TLL2: variants seen among roughly 807,000 people sequenced by gnomAD.
TLL2 encodes the protein tolloid-like protein 2.
In TLL2, 106 loss-of-function variants were observed where a neutral mutation model predicts 123.0. The ratio of observed to expected loss-of-function variants is 0.86; its 90% CI spans 0.74 to 1.01. TLL2 has a LOEUF of 1.01. Ranked by LOEUF, TLL2 falls within the 50% of genes least tolerant of loss-of-function variation. The pLI is 0.00. For synonymous variants in TLL2, 494 were observed against 516.8 expected (o/e 0.96, Z 0.60); for missense variants, 1,332 against 1,336.7 (o/e 1.00, Z 0.06).
At chr10:96,427,958 C>G (rs936479826) in intron 5 of TLL2, among the ~76,000 whole-genome samples, 8 of 151,610 alleles carry the variant, frequency 5.3e-5, no homozygotes, top group Non-Finnish European at 7.4e-5. Flanking sequence ...CCACACCTGG[C>G]TAATTTTGTA....
chr10:96,419,783 G>A (rs1246784390), intron 7 of TLL2, among the ~76,000 whole-genome samples: 1 of 152,088 alleles, frequency 6.6e-6, no homozygotes, highest in Non-Finnish European at 1.5e-5. Flanking sequence ...AAGAACCAAG[G>A]AGCCCCTGGC....
intron 2 of TLL2, among the ~76,000 whole-genome samples, chr10:96,476,016 G>C (rs6584076): frequency 0.51 from 77,013 of 150,610 alleles, 20,032 homozygotes; most frequent in Middle Eastern, 0.66. Flanking sequence ...CCAGCCACGT[G>C]GAACAGTGAG....
At chr10:96,401,535 CAGTT>C (rs1846395759) in intron 10 of TLL2, among the ~76,000 whole-genome samples, 1 of 150,100 alleles carries the variant, frequency 6.7e-6, no homozygotes, top group Non-Finnish European at 1.5e-5. Flanking sequence ...CGCACACACA[CAGTT>C]AAAGTGGGTA....
Position 96,367,785 on chromosome 10 carries a change from A to G in TLL2, c.*303T>C. ...TTTTGCCACATAGGAGCAAGGGACA[A>G]GGAGAATGGTATGAAGAAGCATAGC... On this transcript the variant is annotated 3_prime_UTR_variant, in exon 21 of 21. Transcript: ENST00000357947. 1 of 287,870 alleles carries G rather than the reference A, an allele frequency of 3.5e-6. No individual in the cohort carries two copies. The highest frequency in any genetic ancestry group is 6.7e-6 in the Non-Finnish European group (1 of 148,194). The allele number at this position is 287,870 out of a possible 1,614,324, so 17.8% of individuals were successfully genotyped here.
chr10:96,481,926 G>A (rs935925479), intron 1 of TLL2, among the ~76,000 whole-genome samples: 2 of 152,172 alleles, frequency 1.3e-5, no homozygotes, highest in Admixed American at 6.5e-5. Context: ...GCATTGTAGT[G>A]TCAAGAACAG....
At chr10:96,405,766 C>A (rs1002080575) in intron 9 of TLL2, among the ~76,000 whole-genome samples, 1 of 152,182 alleles carries the variant, frequency 6.6e-6, no homozygotes, top group East Asian at 1.9e-4. Flanking sequence ...AACATCTCTG[C>A]GATCAACCTC....
At chr10:96,479,661 C>T (rs1165597574) in intron 2 of TLL2, among the ~76,000 whole-genome samples, 2 of 152,226 alleles carry the variant, frequency 1.3e-5, no homozygotes, top group East Asian at 3.8e-4. Flanking sequence ...TCCTGTTCAC[C>T]AGAACCCCTA....
At chr10:96,410,208 A>G in intron 9 of TLL2, 151 bp downstream of exon 9, 1 of 620,846 alleles carries the variant, frequency 1.6e-6, no homozygotes, top group Non-Finnish European at 2.9e-6. Flanking sequence ...GTCCAGAAAT[A>G]ATGAACGTAC....
chr10:96,412,592 C>A (rs1034853464), intron 8 of TLL2, among the ~76,000 whole-genome samples: 1 of 152,172 alleles, frequency 6.6e-6, no homozygotes, highest in Non-Finnish European at 1.5e-5. Flanking sequence ...AGGGAACAGG[C>A]ATTTGCTCCA....
At chr10:96,460,843 C>A (rs1847074635) in intron 2 of TLL2, among the ~76,000 whole-genome samples, 1 of 152,204 alleles carries the variant, frequency 6.6e-6, no homozygotes, top group African/African-American at 2.4e-5. Flanking sequence ...AGAGAACTCT[C>A]TCATCCCTTC....
At chr10:96,370,356 A>G (rs375432343) in intron 19 of TLL2, 41 bp from the exon 20 acceptor site, 75 of 1,503,280 alleles carry the variant, frequency 5.0e-5, no homozygotes, top group Non-Finnish European at 6.1e-5. Context: ...AGCACAAGAC[A>G]CCCTCGTGCC....
At chr10:96,511,634 G>A (rs1847632365) in intron 1 of TLL2, among the ~76,000 whole-genome samples, 1 of 152,252 alleles carries the variant, frequency 6.6e-6, no homozygotes, top group African/African-American at 2.4e-5. Flanking sequence ...TAACAGGCAA[G>A]CCTGCCTCAG....
chr10:96,428,357 C>T (rs1320386466), intron 5 of TLL2, among the ~76,000 whole-genome samples: 12 of 152,190 alleles, frequency 7.9e-5, no homozygotes, highest in Admixed American at 7.9e-4. Flanking sequence ...TTAAGAACCA[C>T]TGCCTTAAGT....
At chr10:96,384,557 T>A in intron 16 of TLL2, 30 bp downstream of exon 16, 9 of 1,524,858 alleles carry the variant, frequency 5.9e-6, no homozygotes, top group Non-Finnish European at 8.0e-6. Context: ...TCACTCGCGC[T>A]GCATCAGCCT....
At chr10:96,398,868 C>CTTTTT (rs3033618) in intron 10 of TLL2, among the ~76,000 whole-genome samples, 35 of 107,724 alleles carry the variant, frequency 3.2e-4, no homozygotes, top group African/African-American at 4.2e-4. Context: ...TGAAAATATT[C>CTTTTT]TTTTTTTTTT....
In TLL2 at chr10:96,441,034, G is replaced by A. The variant is rs559059243; in HGVS notation, c.364+5057C>T. On this transcript the variant is annotated intron_variant, in intron 3 of 20. Coordinates refer to ENST00000357947, the MANE Select transcript of TLL2 (RefSeq NM_012465.4). Reference sequence around the variant, plus strand: ...CAGGATTTAACACGCTGGGGGTAGGGTTGAGGGGGGATAAAGCCCATTTAA... The same window carrying A: ...CAGGATTTAACACGCTGGGGGTAGGATTGAGGGGGGATAAAGCCCATTTAA... Among the ~76,000 whole-genome samples, 426 of 152,280 alleles carry A rather than the reference G, an allele frequency of 2.8e-3. 2 individuals carry two copies. The highest frequency in any genetic ancestry group is 9.7e-3 in the African/African-American group (401 of 41,540).
intron 18 of TLL2, among the ~76,000 whole-genome samples, chr10:96,374,828 G>T (rs537494109): frequency 1.3e-5 from 2 of 152,288 alleles, no homozygotes; most frequent in South Asian, 2.1e-4. Flanking sequence ...CTGAATGCAG[G>T]CTTCTCAGAT....
intron 3 of TLL2, among the ~76,000 whole-genome samples, chr10:96,443,109 A>G (rs1053191761): frequency 6.6e-6 from 1 of 152,170 alleles, no homozygotes; most frequent in African/African-American, 2.4e-5. Context: ...CTCTGACAAT[A>G]TCTATTGCTG....
At position 96,480,404 on chromosome 10, in the gene TLL2, A is replaced by G; in HGVS notation, c.231T>C (p.Ile77=). 1 of 1,614,194 alleles carries G rather than the reference A, an allele frequency of 6.2e-7. No individual in the cohort carries two copies. The highest frequency in any genetic ancestry group is 8.5e-7 in the Non-Finnish European group (1 of 1,180,032). Residue 77 remains isoleucine, a synonymous_variant, in exon 2 of 21, where the codon ATT becomes ATC. Transcript: ENST00000357947. ...LDEDDLKLFH[I]DKARDWTKQT... ...GCTTGGTCCAGTCTCTGGCTTTGTC[A>G]ATGTGAAACAGCTTCAAGTCATCTT...
Sources: gnomAD v4.1 joint callset for allele counts (sites outside exome capture counted in the v4.1 genomes callset) on GRCh38, gnomAD v4.1.1 for gene constraint, MANE v1.5 for transcripts, NCBI Gene and HGNC (gene_info 2026-07-23, HGNC 2026-07-21) for gene names.